The following EPHA6 variants were observed in gnomAD, a reference collection of about 807,000 sequenced individuals.
EPHA6 encodes EPH receptor A6, also known as ephrin type-A receptor 6.
In EPHA6, 50 loss-of-function variants were observed where a neutral mutation model predicts 112.0. The ratio of observed to expected loss-of-function variants is 0.45; its 90% confidence interval spans 0.36 to 0.56. The LOEUF (loss-of-function observed/expected upper bound fraction) is 0.56. EPHA6 is among the 20% of genes least tolerant of loss of function. The pLI is 0.00. For missense variants in EPHA6, 1,280 were observed against 1,417.4 expected (o/e 0.90, Z 1.56); for synonymous variants, 529 against 490.7 (o/e 1.08, Z -1.03).
At chr3:97,615,588 G>A (rs1015190398) in intron 13 of EPHA6, among the ~76,000 whole-genome samples, 2 of 152,160 alleles carry the variant, frequency 1.3e-5, no homozygotes, top group African/African-American at 4.8e-5. Flanking sequence ...GTTCCTGGGG[G>A]GAGGGGCAGG....
chr3:97,198,743 C>T (rs976413270), intron 3 of EPHA6, among the ~76,000 whole-genome samples: 1 of 151,990 alleles, frequency 6.6e-6, no homozygotes, highest in Non-Finnish European at 1.5e-5. Flanking sequence ...AAAACAAAGC[C>T]ATTTATAATG....
At chr3:96,928,429 G>T (rs918976571) in intron 2 of EPHA6, among the ~76,000 whole-genome samples, 6 of 152,182 alleles carry the variant, frequency 3.9e-5, no homozygotes, top group African/African-American at 9.7e-5. Flanking sequence ...TAGTTGTGTG[G>T]TTTTGAGTGA....
intron 13 of EPHA6, among the ~76,000 whole-genome samples, chr3:97,625,397 A>G (rs1283670556): frequency 6.6e-6 from 1 of 151,814 alleles, no homozygotes; most frequent in Non-Finnish European, 1.5e-5. Context: ...TTGTAGTCAG[A>G]GAACATACTT....
At chr3:97,063,528 A>G (rs1210033271) in intron 3 of EPHA6, among the ~76,000 whole-genome samples, 1 of 152,142 alleles carries the variant, frequency 6.6e-6, no homozygotes. Flanking sequence ...GGAGTGGAAC[A>G]ACACACACTT....
At chr3:96,945,930 C>T (rs1181792849) in intron 2 of EPHA6, among the ~76,000 whole-genome samples, 3 of 152,004 alleles carry the variant, frequency 2.0e-5, no homozygotes, top group Non-Finnish European at 4.4e-5. Context: ...CATGTGTCTA[C>T]CATTATAGTA....
chr3:97,027,134 T>C (rs548946546), intron 3 of EPHA6, among the ~76,000 whole-genome samples: 1 of 152,308 alleles, frequency 6.6e-6, no homozygotes, highest in East Asian at 1.9e-4. Flanking sequence ...TTATGTTCTT[T>C]GCAAGGATTT....
chr3:97,330,099 G>C (rs1186675871), intron 5 of EPHA6, among the ~76,000 whole-genome samples: 31 of 151,740 alleles, frequency 2.0e-4, no homozygotes, highest in Non-Finnish European at 3.1e-4. Flanking sequence ...TCTTGTTTTT[G>C]TCAGGTTTGT....
intron 3 of EPHA6, among the ~76,000 whole-genome samples, chr3:97,087,361 T>C (rs1007410652): frequency 5.3e-5 from 8 of 152,088 alleles, no homozygotes; most frequent in Non-Finnish European, 1.0e-4. Flanking sequence ...AAGGGTCCCA[T>C]TGGCTAAATT....
intron 7 of EPHA6, among the ~76,000 whole-genome samples, chr3:97,459,179 G>A (rs892708835): frequency 3.3e-5 from 5 of 151,798 alleles, no homozygotes; most frequent in African/African-American, 9.7e-5. Context: ...CAAGTGTAGA[G>A]ATCAAAGAGA....
chr3:97,724,462 G>A (rs1291218262), intron 15 of EPHA6, among the ~76,000 whole-genome samples: 1 of 152,040 alleles, frequency 6.6e-6, no homozygotes, highest in African/African-American at 2.4e-5. Flanking sequence ...GGTGGGGATG[G>A]GGAATTAGAA....
chr3:97,405,697 C>T (rs76830708), intron 6 of EPHA6, among the ~76,000 whole-genome samples: 2,390 of 151,954 alleles, frequency 0.016, 63 homozygotes, highest in African/African-American at 0.052. Flanking sequence ...GAGTTACAGT[C>T]GGCTATAATT....
intron 3 of EPHA6, among the ~76,000 whole-genome samples, chr3:97,168,650 G>T (rs143110764): frequency 2.9e-4 from 44 of 150,288 alleles, no homozygotes; most frequent in African/African-American, 5.9e-4. Context: ...GCCATGTGAA[G>T]ATGTGCTTGC....
chr3:97,191,843 A>G (rs1458447975), intron 3 of EPHA6, among the ~76,000 whole-genome samples: 1 of 152,122 alleles, frequency 6.6e-6, no homozygotes, highest in South Asian at 2.1e-4. Flanking sequence ...TGGGGTATAT[A>G]TCTAGAAGTT....
At chr3:97,189,940 G>T (rs899420095) in intron 3 of EPHA6, among the ~76,000 whole-genome samples, 2 of 152,044 alleles carry the variant, frequency 1.3e-5, no homozygotes, top group Non-Finnish European at 2.9e-5. Flanking sequence ...ATCCCATGTA[G>T]ATCTCCCTTC....
At chr3:97,097,642 T>C (rs2047280906) in intron 3 of EPHA6, among the ~76,000 whole-genome samples, 1 of 151,902 alleles carries the variant, frequency 6.6e-6, no homozygotes, top group Non-Finnish European at 1.5e-5. Flanking sequence ...CACTGCCAGA[T>C]TGGAAGACCT....
chr3:97,568,782 T>A (rs2093299970), intron 11 of EPHA6, among the ~76,000 whole-genome samples: 1 of 152,180 alleles, frequency 6.6e-6, no homozygotes, highest in African/African-American at 2.4e-5. Context: ...GCTATGAATG[T>A]AGGTATAGGG....
At chr3:97,354,458 A>C (rs1033217682) in intron 5 of EPHA6, among the ~76,000 whole-genome samples, 1 of 152,126 alleles carries the variant, frequency 6.6e-6, no homozygotes, top group Non-Finnish European at 1.5e-5. Flanking sequence ...GCTGAAAAAT[A>C]CAATTGACAT....
At chr3:97,688,755 G>A (rs1159742764) in intron 14 of EPHA6, among the ~76,000 whole-genome samples, 1 of 150,850 alleles carries the variant, frequency 6.6e-6, no homozygotes, top group African/African-American at 2.4e-5. Flanking sequence ...AAAAAGTAAC[G>A]TACTTCTACC....
chr3:97,416,155 A>G (rs2088107483), intron 6 of EPHA6, among the ~76,000 whole-genome samples: 1 of 152,030 alleles, frequency 6.6e-6, no homozygotes, highest in African/African-American at 2.4e-5. Context: ...AAGTAGAAAG[A>G]ATAAAAGGAA....
Sources: gnomAD v4.1 joint callset for allele counts (sites outside exome capture counted in the v4.1 genomes callset) on GRCh38, gnomAD v4.1.1 for gene constraint, MANE v1.5 for transcripts, NCBI Gene and HGNC (gene_info 2026-07-23, HGNC 2026-07-21) for gene names.